CELF2: variants seen among roughly 807,000 people sequenced by gnomAD.
The protein encoded by CELF2 is CUGBP Elav-like family member 2.
CELF2 carries 8 observed loss-of-function variants against 62.6 expected under a neutral mutation model. The observed-to-expected ratio is 0.13, with a 90% CI of 0.07 to 0.23. The LOEUF (loss-of-function observed/expected upper bound fraction) is 0.23, where lower values mean the gene tolerates loss of function less well. Ranked by LOEUF, CELF2 falls within the 10% of genes least tolerant of loss-of-function variation. The probability of loss-of-function intolerance (pLI) is 1.00; values close to 1 mark genes in which losing one functional copy is unlikely to be tolerated. For missense variants in CELF2, 333 were observed against 671.0 expected, an observed-to-expected ratio of 0.50 and a Z score of 5.56; for synonymous variants, 258 against 250.0, an observed-to-expected ratio of 1.03 and a Z score of -0.30.
At chr10:10,749,260 A>G in the CELF2 span, among the ~76,000 whole-genome samples, 1 of 152,200 alleles carries the variant, frequency 6.6e-6, no homozygotes, top group Admixed American at 6.5e-5. Flanking sequence ...GGCTGGATAT[A>G]AAATCAACTT....
chr10:11,182,082 C>G (rs190634544), intron 2 of CELF2, among the ~76,000 whole-genome samples: 38 of 152,342 alleles, frequency 2.5e-4, no homozygotes, highest in Admixed American at 9.1e-4. Flanking sequence ...AGGAGAAAAA[C>G]AGTTCACTCT....
chr10:10,761,305 A>T, the CELF2 span, among the ~76,000 whole-genome samples: 1 of 152,224 alleles, frequency 6.6e-6, no homozygotes, highest in Non-Finnish European at 1.5e-5. Context: ...TACCTGAGGA[A>T]GAAATAAATT....
the CELF2 span, among the ~76,000 whole-genome samples, chr10:10,529,466 C>T: frequency 6.6e-6 from 1 of 152,186 alleles, no homozygotes; most frequent in East Asian, 1.9e-4. Context: ...GTGGGCGGAT[C>T]ATGAAGTTAG....
intron 1 of CELF2, among the ~76,000 whole-genome samples, chr10:11,080,907 C>T (rs2073845744): frequency 6.6e-6 from 1 of 152,224 alleles, no homozygotes; most frequent in Admixed American, 6.5e-5. Context: ...TTTCTAGAGG[C>T]AGGCTAGGGC....
At chr10:10,729,833 C>T in the CELF2 span, among the ~76,000 whole-genome samples, 1 of 151,874 alleles carries the variant, frequency 6.6e-6, no homozygotes, top group South Asian at 2.1e-4. Context: ...AGCACTGTAA[C>T]TTGTACAACA....
the CELF2 span, among the ~76,000 whole-genome samples, chr10:10,500,783 C>T: frequency 6.6e-6 from 1 of 152,186 alleles, no homozygotes; most frequent in African/African-American, 2.4e-5. Context: ...TATTATCCTA[C>T]CCACTTGCCT....
At chr10:11,109,459 A>G (rs747182956) in intron 1 of CELF2, among the ~76,000 whole-genome samples, 11 of 152,206 alleles carry the variant, frequency 7.2e-5, no homozygotes, top group Non-Finnish European at 1.3e-4. Context: ...AGAATTCGAA[A>G]GCTGCAAGAA....
chr10:10,946,134 A>C (rs796453199), intron 2 of CELF2: 12 of 152,782 alleles, frequency 7.9e-5, no homozygotes, highest in African/African-American at 2.6e-4. Context: ...CACTCTGCTG[A>C]AAATGATGCC....
chr10:10,768,135 C>T, the CELF2 span, among the ~76,000 whole-genome samples: 3 of 150,620 alleles, frequency 2.0e-5, no homozygotes, highest in Admixed American at 6.6e-5. Flanking sequence ...CACTGCACTC[C>T]ATCCTGGGCA....
chr10:11,137,228 T>C (rs946292414), intron 1 of CELF2, among the ~76,000 whole-genome samples: 1 of 152,248 alleles, frequency 6.6e-6, no homozygotes, highest in African/African-American at 2.4e-5. Context: ...GTTGGCTTTC[T>C]AAAGTAGACC....
At chr10:10,740,556 G>C in the CELF2 span, among the ~76,000 whole-genome samples, 27 of 152,192 alleles carry the variant, frequency 1.8e-4, no homozygotes, top group African/African-American at 6.0e-4. Context: ...ACCACTTCCA[G>C]GTTTATCTCC....
At chr10:10,480,309 A>G in the CELF2 span, among the ~76,000 whole-genome samples, 1 of 152,192 alleles carries the variant, frequency 6.6e-6, no homozygotes, top group South Asian at 2.1e-4. Flanking sequence ...AGGAGCACTG[A>G]AGCAGTGGAT....
At position 11,306,653 on chromosome 10, in the gene CELF2, T is replaced by C. The variant is rs909265850; in HGVS notation, c.977-7486T>C. Among the ~76,000 whole-genome samples the C allele has an allele frequency of 3.9e-5, 6 of 152,294 alleles. No individual in the cohort carries two copies. Among genetic ancestry groups the C allele is most frequent in the African/African-American group, 1.4e-4 (6 of 41,562 alleles). ...CAGTTGGGGTGAATTTTCAAAGTAT[T>C]GTCTGATGATGTAGAGTGCACAGGG... On this transcript the variant is annotated intron_variant, in intron 9 of 12. Transcript: ENST00000633077. This position sits in a 1 kb window ranked among gnomAD's most constrained non-coding sequence, Gnocchi z 4.4.
the CELF2 span, among the ~76,000 whole-genome samples, chr10:10,480,293 C>G: frequency 2.0e-5 from 3 of 152,204 alleles, no homozygotes; most frequent in Non-Finnish European, 2.9e-5. Flanking sequence ...CCATTAATCC[C>G]TCCAGAGGAG....
the CELF2 span, among the ~76,000 whole-genome samples, chr10:10,665,891 A>G: frequency 6.6e-6 from 1 of 152,198 alleles, no homozygotes; most frequent in East Asian, 1.9e-4. Context: ...CCTATCCCAT[A>G]CAATCATCAG....
intron 1 of CELF2, among the ~76,000 whole-genome samples, chr10:11,022,482 A>G (rs1410016967): frequency 3.3e-5 from 5 of 152,232 alleles, no homozygotes; most frequent in Non-Finnish European, 5.9e-5. Context: ...TGAACCTAGT[A>G]ATTAAGATTT....
the CELF2 span, among the ~76,000 whole-genome samples, chr10:10,679,272 A>G: frequency 1.3e-5 from 2 of 152,074 alleles, no homozygotes; most frequent in African/African-American, 4.8e-5. Flanking sequence ...TAAGGACAAA[A>G]TGGTAATCTT....
intron 10 of CELF2, chr10:11,320,873 G>T (rs1006355931): frequency 1.9e-6 from 3 of 1,544,452 alleles, no homozygotes; most frequent in African/African-American, 2.8e-5. Context: ...GAAGCAAAAG[G>T]CTTTTACTTC....
chr10:11,187,433 T>C (rs936013892), intron 2 of CELF2, among the ~76,000 whole-genome samples: 4 of 152,216 alleles, frequency 2.6e-5, no homozygotes, highest in Non-Finnish European at 4.4e-5. Flanking sequence ...GTGCATTTAT[T>C]GTACACAGCA....
Sources: gnomAD v4.1 joint callset for allele counts (sites outside exome capture counted in the v4.1 genomes callset) on GRCh38, gnomAD v4.1.1 for gene constraint, Gnocchi (gnomAD v3.1) non-coding constraint, MANE v1.5 for transcripts, NCBI Gene and HGNC (gene_info 2026-07-23, HGNC 2026-07-21) for gene names.